FBXO25: variants seen among roughly 807,000 people sequenced by gnomAD.
FBXO25 encodes F-box only protein 25.
FBXO25 carries 45 observed loss-of-function variants against 51.9 expected under a neutral mutation model. That is an observed-to-expected ratio of 0.87 (90% confidence interval 0.68 to 1.11). The LOEUF (loss-of-function observed/expected upper bound fraction) is 1.11. Among genes scored for constraint, FBXO25 ranks in the 50% most tolerant of loss-of-function variants. The pLI, the probability that FBXO25 is intolerant of heterozygous loss-of-function variation, is 0.00. For missense variants in FBXO25, 507 were observed against 428.5 expected (o/e 1.18, Z -1.62); for synonymous variants, 199 against 151.0 (o/e 1.32, Z -2.33).
chr8:460,095 G>A (rs927512531), intron 8 of FBXO25, among the ~76,000 whole-genome samples: 8 of 152,248 alleles, frequency 5.3e-5, no homozygotes, highest in African/African-American at 1.7e-4. Flanking sequence ...GGTAAATGAA[G>A]GTTGCCTGGG....
chr8:413,397 T>G (rs1796604465), intron 2 of FBXO25, among the ~76,000 whole-genome samples, 184 bp downstream of exon 2: 2 of 152,238 alleles, frequency 1.3e-5, no homozygotes, highest in South Asian at 2.1e-4. Flanking sequence ...CATACACAGA[T>G]GCTTTCGTCT....
At chr8:441,128 A>G (rs1798401296) in intron 5 of FBXO25, among the ~76,000 whole-genome samples, 1 of 151,540 alleles carries the variant, frequency 6.6e-6, no homozygotes, top group South Asian at 2.1e-4. Context: ...TTACAAGGCT[A>G]CAGTAACCAA....
At chr8:425,230 G>T (rs1797401354) in intron 2 of FBXO25, among the ~76,000 whole-genome samples, 1 of 151,300 alleles carries the variant, frequency 6.6e-6, no homozygotes, top group Admixed American at 6.6e-5. Flanking sequence ...AATCTTTATA[G>T]TTTTATCACC....
chr8:426,245 C>G (rs1406852027), intron 2 of FBXO25, among the ~76,000 whole-genome samples: 2 of 152,170 alleles, frequency 1.3e-5, no homozygotes, highest in African/African-American at 4.8e-5. Flanking sequence ...CACTGTACTT[C>G]CTGTGTTTGT....
intron 2 of FBXO25, among the ~76,000 whole-genome samples, chr8:427,625 G>A (rs1239979226): frequency 4.1e-5 from 6 of 146,568 alleles, no homozygotes; most frequent in African/African-American, 1.0e-4. Context: ...TCAAGGGCTT[G>A]GCAGGGTTGC....
chr8:412,481 C>G (rs1468860371), intron 1 of FBXO25, among the ~76,000 whole-genome samples: 2 of 152,224 alleles, frequency 1.3e-5, no homozygotes, highest in Admixed American at 6.5e-5. Context: ...TCACCCCATA[C>G]CTTCTCCCAC....
chr8:411,561 A>G (rs1468504032), intron 1 of FBXO25, among the ~76,000 whole-genome samples: 1 of 152,094 alleles, frequency 6.6e-6, no homozygotes, highest in Non-Finnish European at 1.5e-5. Context: ...GGATGTATAT[A>G]TTTATTCATT....
At chr8:467,102 G>A (rs1384748902) in intron 9 of FBXO25, among the ~76,000 whole-genome samples, 3 of 152,180 alleles carry the variant, frequency 2.0e-5, no homozygotes, top group Admixed American at 2.0e-4. Flanking sequence ...TGGTCTGGTG[G>A]TCCTGGTCTT....
At position 473,141 on chromosome 8, in the gene FBXO25, T is replaced by G. The variant is rs1441755580; in HGVS notation, c.*4337T>G. On this transcript the variant is annotated 3_prime_UTR_variant, in exon 10 of 10. Transcript: ENST00000350302. Reference sequence around the variant, plus strand: ...TCTGTCTTCACTCAAGCCCCACTCCTTATCCCTTCCTGTTGTTTCTGCATA... The same window carrying G: ...TCTGTCTTCACTCAAGCCCCACTCCGTATCCCTTCCTGTTGTTTCTGCATA... 6.6e-6 allele frequency: 1 copy of G among 152,366 alleles called. No individual in the cohort carries two copies. Among genetic ancestry groups the G allele is most frequent in the African/African-American group, 2.4e-5 (1 of 41,462 alleles). The allele number at this position is 152,366 out of a possible 1,614,324, so 9.4% of individuals were successfully genotyped here.
At chr8:439,467 T>G (rs1161531945) in intron 5 of FBXO25, among the ~76,000 whole-genome samples, 2 of 152,266 alleles carry the variant, frequency 1.3e-5, no homozygotes, top group African/African-American at 2.4e-5. Flanking sequence ...ATTTTGGTTA[T>G]TTGATAAATT....
intron 8 of FBXO25, among the ~76,000 whole-genome samples, chr8:462,251 A>G (rs1172309809): frequency 6.6e-6 from 1 of 152,166 alleles, no homozygotes. Flanking sequence ...GCATCTTTTC[A>G]TGAGGTTATC....
At chr8:459,299 G>A (rs961965192) in intron 8 of FBXO25, among the ~76,000 whole-genome samples, 1 of 152,228 alleles carries the variant, frequency 6.6e-6, no homozygotes, top group Non-Finnish European at 1.5e-5. Flanking sequence ...ATGGGACTGG[G>A]TGCCTTTCAT....
At chr8:426,103 C>G (rs1404364484) in intron 2 of FBXO25, among the ~76,000 whole-genome samples, 4 of 152,096 alleles carry the variant, frequency 2.6e-5, no homozygotes, top group African/African-American at 9.7e-5. Flanking sequence ...GCATGCTGCA[C>G]TTTTATCACT....
At chr8:428,129 T>C (rs1403259642) in intron 2 of FBXO25, among the ~76,000 whole-genome samples, 1 of 152,218 alleles carries the variant, frequency 6.6e-6, no homozygotes, top group Non-Finnish European at 1.5e-5. Context: ...AGTTGTTTTG[T>C]TGATTCTTCT....
chr8:451,570 A>G (rs1009329429), intron 7 of FBXO25, 117 bp downstream of exon 7: 4 of 956,910 alleles, frequency 4.2e-6, no homozygotes, highest in Non-Finnish European at 4.6e-6. Context: ...TAATGCTTTC[A>G]TAAGTATTCA....
At chr8:457,757 G>C (rs981072373) in intron 7 of FBXO25, among the ~76,000 whole-genome samples, 1 of 152,198 alleles carries the variant, frequency 6.6e-6, no homozygotes, top group East Asian at 1.9e-4. Flanking sequence ...GGTTCATAAC[G>C]CATACAAGCA....
intron 2 of FBXO25, among the ~76,000 whole-genome samples, chr8:423,154 G>C (rs990911554): frequency 2.0e-5 from 3 of 152,120 alleles, no homozygotes; most frequent in Non-Finnish European, 2.9e-5. Context: ...GGGACTACAG[G>C]GTTTTCTCTC....
intron 2 of FBXO25, among the ~76,000 whole-genome samples, chr8:416,709 C>T (rs572913526): frequency 6.6e-6 from 1 of 152,188 alleles, no homozygotes; most frequent in African/African-American, 2.4e-5. Context: ...AGAGATGTCT[C>T]TGGTCTTATT....
intron 2 of FBXO25, among the ~76,000 whole-genome samples, chr8:414,522 A>C: frequency 6.6e-6 from 1 of 152,146 alleles, no homozygotes; most frequent in Non-Finnish European, 1.5e-5. Flanking sequence ...TGCGGTGAGG[A>C]ATTTGTGGGA....
Sources: allele counts gnomAD v4.1 joint callset (sites outside exome capture counted in the v4.1 genomes callset), GRCh38; gene constraint gnomAD v4.1.1; transcripts MANE v1.5; gene names NCBI Gene and HGNC (gene_info 2026-07-23, HGNC 2026-07-21).